The following NT5DC1 variants were observed in gnomAD, a reference collection of about 807,000 sequenced individuals.
NT5DC1 encodes 5'-nucleotidase domain-containing protein 1.
In NT5DC1, 42 loss-of-function variants were observed where a neutral mutation model predicts 59.4. The observed-to-expected ratio is 0.71, with a 90% confidence interval of 0.55 to 0.92. The LOEUF is 0.92. Among genes scored for constraint, NT5DC1 ranks in the 40% least tolerant of loss-of-function variants. The probability of loss-of-function intolerance (pLI) is 0.00; values close to 1 mark genes in which losing one functional copy is unlikely to be tolerated. For synonymous variants in NT5DC1, 172 were observed against 188.1 expected, an observed-to-expected ratio of 0.91 and a Z score of 0.70; for missense variants, 501 against 537.1, an observed-to-expected ratio of 0.93 and a Z score of 0.66.
intron 6 of NT5DC1, among the ~76,000 whole-genome samples, chr6:116,196,254 G>A (rs1006934655): frequency 2.6e-5 from 4 of 151,922 alleles, no homozygotes; most frequent in African/African-American, 9.7e-5. Context: ...TTAACTGATA[G>A]ATTAGTTATA....
chr6:116,129,329 C>T (rs1044813167), intron 6 of NT5DC1, among the ~76,000 whole-genome samples: 5 of 152,080 alleles, frequency 3.3e-5, no homozygotes, highest in African/African-American at 4.8e-5. Context: ...TAGGTTGATT[C>T]ATATATCCCT....
chr6:116,110,587 A>G (rs1003664912), intron 3 of NT5DC1, among the ~76,000 whole-genome samples: 1 of 152,232 alleles, frequency 6.6e-6, no homozygotes, highest in African/African-American at 2.4e-5. Flanking sequence ...TCTCTAAAAA[A>G]GGGTGGTATC....
chr6:116,138,560 A>T (rs1446831002), intron 6 of NT5DC1, among the ~76,000 whole-genome samples: 1 of 151,988 alleles, frequency 6.6e-6, no homozygotes, highest in Non-Finnish European at 1.5e-5. Context: ...AAAAGCAAAT[A>T]GTGCGAATGT....
At chr6:116,235,262 A>G (rs1338155585) in intron 8 of NT5DC1, among the ~76,000 whole-genome samples, 2 of 152,192 alleles carry the variant, frequency 1.3e-5, no homozygotes, top group Non-Finnish European at 2.9e-5. Context: ...GTAGTAAGAC[A>G]TTTCAGTAAA....
intron 8 of NT5DC1, among the ~76,000 whole-genome samples, chr6:116,230,248 C>T (rs1781992366): frequency 1.3e-5 from 2 of 151,992 alleles, no homozygotes; most frequent in African/African-American, 2.4e-5. Context: ...TTATTATTTA[C>T]TTAGGCACAA....
chr6:116,108,792 T>G (rs1375862052), intron 3 of NT5DC1, among the ~76,000 whole-genome samples: 1 of 152,228 alleles, frequency 6.6e-6, no homozygotes, highest in Non-Finnish European at 1.5e-5. Flanking sequence ...TGGGATTCTT[T>G]TTGTTAAGAA....
intron 9 of NT5DC1, chr6:116,237,600 C>A (rs935077113): frequency 1.8e-5 from 8 of 445,870 alleles, no homozygotes; most frequent in African/African-American, 1.6e-4. Flanking sequence ...TGCTGATTCT[C>A]ATATCCCTTA....
At chr6:116,241,813 C>G (rs1359575045) in intron 11 of NT5DC1, among the ~76,000 whole-genome samples, 3 of 150,554 alleles carry the variant, frequency 2.0e-5, no homozygotes, top group African/African-American at 7.3e-5. Context: ...GTCCCAGCTA[C>G]TCAGGAGGCC....
chr6:116,117,711 C>T (rs1778993805), intron 5 of NT5DC1, 150 bp from the exon 6 acceptor site: 1 of 566,256 alleles, frequency 1.8e-6, no homozygotes, highest in Admixed American at 3.5e-5. Flanking sequence ...ACTGAATCTT[C>T]ATCACTTTTG....
intron 6 of NT5DC1, among the ~76,000 whole-genome samples, chr6:116,164,864 A>G (rs1780425257): frequency 6.6e-6 from 1 of 152,118 alleles, no homozygotes; most frequent in South Asian, 2.1e-4. Context: ...CAGGCAGATC[A>G]TAAGGTCAGG....
In NT5DC1 at chr6:116,233,921, G is replaced by A. The variant is rs984900700; in HGVS notation, c.803-3045G>A. Among the ~76,000 whole-genome samples the A allele has an allele frequency of 4.9e-5, 7 of 142,334 alleles. No homozygotes were observed. In the East Asian group the frequency reaches 1.5e-3, roughly 30 times the overall value. The allele number at this position is 142,334 out of a possible 152,430, so 93.4% of individuals were successfully genotyped here. Reference sequence around the variant, plus strand: ...ATTATCATCACCATCTATCCCCTTTGTCTTCTTTATTTTTTTCTATATCTT... The same window carrying A: ...ATTATCATCACCATCTATCCCCTTTATCTTCTTTATTTTTTTCTATATCTT... On this transcript the variant is annotated intron_variant, in intron 8 of 11. Transcript: ENST00000319550.
intron 6 of NT5DC1, among the ~76,000 whole-genome samples, chr6:116,122,346 A>G (rs1256705959): frequency 6.6e-6 from 1 of 152,192 alleles, no homozygotes; most frequent in Non-Finnish European, 1.5e-5. Flanking sequence ...AAGAACTATA[A>G]AAATTTTCCC....
intron 6 of NT5DC1, chr6:116,120,197 G>A (rs751959880): frequency 6.2e-7 from 1 of 1,614,088 alleles, no homozygotes; most frequent in South Asian, 1.1e-5. Flanking sequence ...ATCGATGATG[G>A]CACTCCCTGA....
intron 6 of NT5DC1, among the ~76,000 whole-genome samples, chr6:116,187,696 G>C (rs1488619100): frequency 6.6e-6 from 1 of 151,914 alleles, no homozygotes; most frequent in African/African-American, 2.4e-5. Flanking sequence ...TCACATATTA[G>C]ACAAAAATCA....
intron 6 of NT5DC1, among the ~76,000 whole-genome samples, chr6:116,211,392 C>G (rs1422638799): frequency 6.6e-6 from 1 of 151,848 alleles, no homozygotes; most frequent in Non-Finnish European, 1.5e-5. Flanking sequence ...AATAAAAAAC[C>G]CAATACAATG....
chr6:116,105,426 C>T (rs1194783359), intron 1 of NT5DC1, among the ~76,000 whole-genome samples: 1 of 152,150 alleles, frequency 6.6e-6, no homozygotes, highest in African/African-American at 2.4e-5. Flanking sequence ...TCAGTGTGTC[C>T]TTTTGGACAC....
At chr6:116,123,759 T>A (rs1051730382) in intron 6 of NT5DC1, among the ~76,000 whole-genome samples, 2 of 152,268 alleles carry the variant, frequency 1.3e-5, no homozygotes, top group Non-Finnish European at 2.9e-5. Flanking sequence ...TTTAGTAGTT[T>A]AAATACAGCT....
intron 6 of NT5DC1, chr6:116,125,488 A>C: frequency 6.2e-7 from 1 of 1,613,682 alleles, no homozygotes; most frequent in Non-Finnish European, 8.5e-7. Context: ...TATTTGTGGC[A>C]GCATATTCTC....
At chr6:116,228,401 G>C (rs888780418) in intron 8 of NT5DC1, among the ~76,000 whole-genome samples, 2 of 152,106 alleles carry the variant, frequency 1.3e-5, no homozygotes, top group African/African-American at 4.8e-5. Context: ...CCAGCTACTA[G>C]AGAGGCTGAG....
Sources: allele counts gnomAD v4.1 joint callset (sites outside exome capture counted in the v4.1 genomes callset), GRCh38; gene constraint gnomAD v4.1.1; transcripts MANE v1.5; gene names NCBI Gene and HGNC (gene_info 2026-07-23, HGNC 2026-07-21).